Variants in ZNF7 observed in about 807,000 individuals in gnomAD.
ZNF7 encodes the protein zinc finger protein 7.
Under a neutral mutation model 12.0 loss-of-function variants are expected in ZNF7, and 10 were observed. That is an observed-to-expected ratio of 0.83 (90% CI 0.51 to 1.42). The LOEUF is 1.42. Ranked by LOEUF, ZNF7 falls within the 40% of genes most tolerant of loss-of-function variation. The probability of loss-of-function intolerance (pLI) is 0.00; values close to 1 mark genes in which losing one functional copy is unlikely to be tolerated. For synonymous variants in ZNF7, 334 were observed against 295.0 expected (o/e 1.13, Z -1.35); for missense variants, 854 against 837.2 (o/e 1.02, Z -0.25).
intron 4 of ZNF7, among the ~76,000 whole-genome samples, chr8:144,839,170 C>T (rs1262951609): frequency 6.4e-5 from 9 of 140,016 alleles, no homozygotes; most frequent in African/African-American, 1.9e-4. Flanking sequence ...CATTCATATG[C>T]GCCTAGGGGC....
chr8:144,828,019 G>A (rs1827986477), intron 1 of ZNF7: 1 of 152,294 alleles, frequency 6.6e-6, no homozygotes, highest in Admixed American at 6.5e-5. Context: ...CCTAGGATAA[G>A]TGACAGTGGA....
In ZNF7 at chr8:144,841,949, C is replaced by G. The variant is rs772793376; in HGVS notation, c.842C>G (p.Thr281Ser). The G allele has an allele frequency of 6.2e-7, 1 of 1,614,010 alleles. No individual in the cohort carries two copies. The highest frequency in any genetic ancestry group is 8.5e-7 in the Non-Finnish European group (1 of 1,179,998). Residue 281 changes from threonine (T) to serine (S), a missense_variant, in exon 5 of 5, where the codon ACT (threonine) becomes AGT (serine). By Grantham distance (58) the Thr-to-Ser change is moderately conservative. Coordinates refer to ENST00000532777, the MANE Select transcript of ZNF7 (RefSeq NM_003416.4). ...ACGGGAGAGAAACCCTTTAAATGCA[C>G]TGAGTGTGGAAAAGCCTTCCGCCTG... is the stretch of plus-strand genomic sequence containing the variant. ...IHTGEKPFKCTECGKAFRLSS... is the reference protein window; with the variant it reads ...IHTGEKPFKCSECGKAFRLSS...
At chr8:144,838,895 T>C (rs1829440734) in intron 4 of ZNF7, 1 of 145,452 alleles carries the variant, frequency 6.9e-6, no homozygotes, top group Admixed American at 7.0e-5. Flanking sequence ...TGAGCCGAGA[T>C]TGCGCTACTG....
chr8:144,830,856 C>G, intron 3 of ZNF7: 1 of 445,416 alleles, frequency 2.2e-6, no homozygotes, highest in East Asian at 7.1e-5. Context: ...GCCTCAGCCT[C>G]CCGAGTAGCT....
At position 144,841,890 on chromosome 8, in the gene ZNF7, C is replaced by T. The variant is rs751693009; in HGVS notation, c.783C>T (p.Leu261=). 6.8e-6 allele frequency: 11 copies of T among 1,613,916 alleles called. No individual in the cohort carries two copies. Among genetic ancestry groups the T allele is most frequent in the Admixed American group, 1.7e-5 (1 of 60,010 alleles). Residue 261 remains leucine (L), a synonymous_variant, in exon 5 of 5, where the codon CTC becomes CTT. Transcript: ENST00000532777. The part of the protein sequence containing the change: ...ECAECGKVFR[L]CSQLNQHQRI... Reference sequence around the variant, plus strand: ...CAGAGTGTGGGAAAGTCTTCAGGCTCTGCTCGCAGCTTAATCAGCATCAGA... The same window carrying T: ...CAGAGTGTGGGAAAGTCTTCAGGCTTTGCTCGCAGCTTAATCAGCATCAGA...
In ZNF7 at chr8:144,838,357, C is replaced by T. The variant is rs935325885; in HGVS notation, c.247+850C>T. On this transcript the variant is annotated intron_variant, in intron 4 of 4. Coordinates refer to ENST00000532777, the MANE Select transcript of ZNF7 (RefSeq NM_003416.4). The stretch of plus-strand genomic sequence containing the variant: ...GCTTCAAGTTAGGACTTCAGCCTAT[C>T]TTGGGGTCCTCAGCCCTAACCAGGG... 9 of 561,192 alleles carry T rather than the reference C, an allele frequency of 1.6e-5. No homozygotes were observed. The Admixed American group carries it at 2.8e-4, about 17-fold the overall frequency. 34.8% of individuals were successfully genotyped at this position (561,192 alleles called of 1,614,324 possible).
At chr8:144,828,503 C>G (rs1202547966) in intron 1 of ZNF7, among the ~76,000 whole-genome samples, 2 of 152,110 alleles carry the variant, frequency 1.3e-5, no homozygotes, top group African/African-American at 4.8e-5. Context: ...TTTACCCACA[C>G]TGGTTCATCC....
intron 3 of ZNF7, among the ~76,000 whole-genome samples, chr8:144,831,255 T>C (rs1389971109): frequency 2.0e-5 from 3 of 152,224 alleles, no homozygotes; most frequent in Non-Finnish European, 4.4e-5. Flanking sequence ...TTCTGTCTAT[T>C]TATAACGTCC....
rs762887561 is a variant in ZNF7 at position 144,837,485 on chromosome 8, G to A, written c.225G>A (p.Glu75=). 2 of 1,611,064 alleles carry A rather than the reference G, an allele frequency of 1.2e-6. No homozygotes were observed. Among genetic ancestry groups the A allele is most frequent in the South Asian group, 2.2e-5 (2 of 90,962 alleles). The change falls in exon 4 of 5, where the codon GAG becomes GAA. Residue 75 remains glutamate (E), a synonymous_variant. Transcript: ENST00000532777. The part of the protein sequence containing the change: ...VLDLQGAEGT[E]APRTSKTDST... ...ACCTGCAGGGAGCAGAGGGGACAGA[G>A]GCACCAAGGACCTCCAAGACAGGTG...
At chr8:144,844,098 G>A (rs1021253864), downstream of ZNF7, among the ~76,000 whole-genome samples, 2 of 152,222 alleles carry the variant, frequency 1.3e-5, no homozygotes, top group Non-Finnish European at 2.9e-5. Flanking sequence ...GGTCACACTT[G>A]TGTCCCAGGG....
At chr8:144,844,348 G>A (rs1278991826), downstream of ZNF7, among the ~76,000 whole-genome samples, 1 of 152,130 alleles carries the variant, frequency 6.6e-6, no homozygotes, top group Non-Finnish European at 1.5e-5. Flanking sequence ...GTCTTGTACT[G>A]GCCTAGTTGC....
At chr8:144,828,977 C>G in intron 1 of ZNF7, 66 bp from the exon 2 acceptor site, 7 of 1,572,650 alleles carry the variant, frequency 4.5e-6, no homozygotes, top group South Asian at 1.2e-5. Flanking sequence ...CACAGTACCC[C>G]CTTGATTAGC....
chr8:144,842,224 CAG>C lies in ZNF7; in HGVS notation c.1120_1121del (p.Ser374LeufsTer40). The C allele has an allele frequency of 6.2e-7, 1 of 1,614,104 alleles. No homozygotes were observed. On this transcript the variant is annotated frameshift_variant, in exon 5 of 5. Coordinates refer to ENST00000532777, the MANE Select transcript of ZNF7 (RefSeq NM_003416.4). LOFTEE classifies it low-confidence loss of function (END_TRUNC). ...PCKECGKAFS[Q>X]SSTLAQHQRM... ...CAAGGAGTGTGGGAAGGCCTTCAGC[CAG>C]AGCTCCACCCTAGCCCAGCATCAAA... is the stretch of plus-strand genomic sequence containing the variant.
rs2130703595 is a variant in ZNF7, at chr8:144,841,704, G to C, written c.597G>C (p.Glu199Asp). ...ESAEGMSQRC[E>D]ECGKGIRATS... is the part of the protein sequence containing the mutation. ...CGGAAGGGATGTCCCAGAGATGCGA[G>C]GAGTGTGGCAAAGGCATCAGAGCCA... Residue 199 changes from glutamate to aspartate, a missense_variant, in exon 5 of 5, where the codon GAG becomes GAC. Glu to Asp is a conservative substitution (Grantham distance 45). Coordinates refer to ENST00000532777, the MANE Select transcript of ZNF7 (RefSeq NM_003416.4). The C allele has an allele frequency of 6.2e-7, 1 of 1,614,184 alleles. No individual in the cohort carries two copies. The highest frequency in any genetic ancestry group is 1.1e-5 in the South Asian group (1 of 91,092).
chr8:144,845,970 C>G, downstream of ZNF7: 1 of 1,535,996 alleles, frequency 6.5e-7, no homozygotes, highest in South Asian at 1.2e-5. Context: ...TGCTTTTTCT[C>G]TACTTCAGGC....
At chr8:144,844,428 G>A (rs1830369995), downstream of ZNF7, among the ~76,000 whole-genome samples, 1 of 152,090 alleles carries the variant, frequency 6.6e-6, no homozygotes, top group African/African-American at 2.4e-5. Context: ...AGACGAAAAT[G>A]GGCCGGGCGT....
chr8:144,838,475 A>G, intron 4 of ZNF7: 1 of 299,740 alleles, frequency 3.3e-6, no homozygotes, highest in Non-Finnish European at 6.2e-6. Flanking sequence ...CAGCATGACA[A>G]GGGAGATGGG....
chr8:144,836,993 A>G (rs1339483655), intron 3 of ZNF7: 1 of 159,400 alleles, frequency 6.3e-6, no homozygotes, highest in African/African-American at 2.4e-5. Context: ...TTGTTACCTT[A>G]TTTTGTAACC....
At chr8:144,833,552 A>G (rs1433185757) in intron 3 of ZNF7, among the ~76,000 whole-genome samples, 5 of 149,856 alleles carry the variant, frequency 3.3e-5, no homozygotes, top group Non-Finnish European at 5.9e-5. Context: ...AATTTTTTGT[A>G]TTTTTACTAG....
Sources: gnomAD v4.1 joint callset for allele counts (sites outside exome capture counted in the v4.1 genomes callset) on GRCh38, gnomAD v4.1.1 for gene constraint, MANE v1.5 for transcripts, NCBI Gene and HGNC (gene_info 2026-07-23, HGNC 2026-07-21) for gene names.